The following ZAN variants were observed in gnomAD, a reference collection of about 807,000 sequenced individuals.
ZAN encodes the protein zonadhesin (gene/pseudogene).
In ZAN, 260 loss-of-function variants were observed where a neutral mutation model predicts 286.2. The ratio of observed to expected loss-of-function variants is 0.91; its 90% CI spans 0.82 to 1.01. ZAN has a LOEUF of 1.01. Ranked by LOEUF, ZAN falls within the 50% of genes least tolerant of loss-of-function variation. The pLI is 0.00. For missense variants in ZAN, 3,410 were observed against 3,639.2 expected (o/e 0.94, Z 1.62); for synonymous variants, 1,368 against 1,417.5 (o/e 0.97, Z 0.79).
rs370635833 is a variant in ZAN, at chr7:100,775,773, A to G, written c.6132A>G (p.Gln2044=). The G allele has an allele frequency of 4.3e-6, 7 of 1,613,782 alleles. No individual in the cohort carries two copies. Among genetic ancestry groups the G allele is most frequent in the Non-Finnish European group, 5.1e-6 (6 of 1,179,894 alleles). Residue 2044 remains glutamine (Q), a synonymous_variant, in exon 33 of 48, where the codon CAA becomes CAG. Transcript: ENST00000613979. ...TTGTTAACATCAAGATCGGGGTGCAAGTCAAGTTTGACGGGAATCATCTCT... is the reference window on the plus strand; with the variant it reads ...TTGTTAACATCAAGATCGGGGTGCAGGTCAAGTTTGACGGGAATCATCTCT... ...YSIVNIKIGV[Q]VKFDGNHLLE...
chr7:100,751,321 G>C, intron 13 of ZAN, 55 bp downstream of exon 13: 1 of 1,324,028 alleles, frequency 7.6e-7, no homozygotes, highest in Non-Finnish European at 1.0e-6. Flanking sequence ...GTTCCCTGGA[G>C]TTCTCTCTAT....
At chr7:100,789,568 G>A (rs554875208) in intron 39 of ZAN, among the ~76,000 whole-genome samples, 1 of 152,154 alleles carries the variant, frequency 6.6e-6, no homozygotes, top group Non-Finnish European at 1.5e-5. Flanking sequence ...CCAGCGCTCC[G>A]GGAAGCTGAG....
chr7:100,774,143 C>T (rs566475346), intron 31 of ZAN, among the ~76,000 whole-genome samples: 2 of 152,218 alleles, frequency 1.3e-5, no homozygotes, highest in African/African-American at 4.8e-5. Flanking sequence ...AATCTCAGCA[C>T]TTTGGAAGGC....
At chr7:100,779,078 CTGTAAT>C (rs1445040480) in intron 34 of ZAN, among the ~76,000 whole-genome samples, 2 of 151,750 alleles carry the variant, frequency 1.3e-5, no homozygotes, top group African/African-American at 4.8e-5. Context: ...TGCCGGGTGG[CTGTAAT>C]CCCGGCTACT....
intron 37 of ZAN, among the ~76,000 whole-genome samples, 165 bp from the exon 38 acceptor site, chr7:100,787,715 CCACACCTGG>C (rs1383732962): frequency 1.3e-5 from 2 of 152,186 alleles, no homozygotes; most frequent in African/African-American, 4.8e-5. Context: ...GCACGCACCA[CCACACCTGG>C]CTAATTTTTG....
At chr7:100,773,231 G>A in intron 29 of ZAN, 54 bp from the exon 30 acceptor site, 2 of 1,592,434 alleles carry the variant, frequency 1.3e-6, no homozygotes, top group South Asian at 1.1e-5. Context: ...ATGCCCCAAG[G>A]TTTGGGGGCT....
rs1295680851 is a variant in ZAN at position 100,763,907 on chromosome 7, G to A, written c.4088G>A (p.Gly1363Asp). 6.2e-7 allele frequency: 1 copy of A among 1,613,956 alleles called. No individual in the cohort carries two copies. The change falls in exon 21 of 48, where the codon GGC becomes GAC. Residue 1363 changes from glycine to aspartate, a missense_variant. Coordinates refer to ENST00000613979, the MANE Select transcript of ZAN (RefSeq NM_003386.3). The surrounding 1 kb of genome is among the most constrained non-coding windows in gnomAD (Gnocchi z 4.6). ...TGTGGACGGCTGGTCGACACTCATG[G>A]CCCATTTGAGTATGAAGGAGGGCAG... ...GFCGRLVDTHGPFETCLLHVK... is the reference protein window; with the variant it reads ...GFCGRLVDTHDPFETCLLHVK...
At chr7:100,759,657 C>T (rs1809399686) in intron 17 of ZAN, 64 bp from the exon 18 acceptor site, 2 of 1,511,056 alleles carry the variant, frequency 1.3e-6, no homozygotes, top group Non-Finnish European at 1.8e-6. Context: ...AGGCTCAGGG[C>T]ACTGCTCGCG....
chr7:100,796,419 TGC>T (rs1241309947), intron 45 of ZAN, among the ~76,000 whole-genome samples: 3 of 144,940 alleles, frequency 2.1e-5, no homozygotes, highest in African/African-American at 7.8e-5. Flanking sequence ...CCCAGGAATC[TGC>T]TTTTTTTTTT....
intron 25 of ZAN, 115 bp downstream of exon 25, chr7:100,767,372 C>A (rs922595184): frequency 3.5e-6 from 5 of 1,443,450 alleles, no homozygotes; most frequent in Non-Finnish European, 3.7e-6. Flanking sequence ...ACCTGGGAAG[C>A]ACCTGCAGCT....
intron 5 of ZAN, 23 bp from the exon 6 acceptor site, chr7:100,737,239 G>A (rs1807377976): frequency 1.4e-6 from 2 of 1,453,744 alleles, no homozygotes; most frequent in Non-Finnish European, 1.9e-6. Flanking sequence ...TCATGGGGTT[G>A]GGGTCCCCTT....
chr7:100,779,359 C>T, intron 34 of ZAN, 87 bp from the exon 35 acceptor site: 1 of 1,369,992 alleles, frequency 7.3e-7, no homozygotes, highest in Non-Finnish European at 9.7e-7. Context: ...GCCTGGGTGA[C>T]AGAGCAAGAC....
At chr7:100,746,511 C>G (rs1199928452) in intron 7 of ZAN, 27 bp from the exon 8 acceptor site, 1 of 1,612,962 alleles carries the variant, frequency 6.2e-7, no homozygotes, top group African/African-American at 1.3e-5. Flanking sequence ...TCCATCCACC[C>G]CAGTTCCCTG....
In ZAN at chr7:100,759,936, G is replaced by A; in HGVS notation, c.3696+91G>A. 3 of 1,491,062 alleles carry A rather than the reference G, an allele frequency of 2.0e-6. No individual in the cohort carries two copies. In the South Asian group the frequency reaches 4.1e-5, roughly 20 times the overall value. The allele number at this position is 1,491,062 out of a possible 1,614,324, so 92.4% of individuals were successfully genotyped here. On this transcript the variant is annotated intron_variant, in intron 18 of 47. Transcript: ENST00000613979. The stretch of plus-strand genomic sequence containing the variant: ...ATCCCTGAACCTTTCCACGGATGGG[G>A]TTCAACAAGACAGTGACCTGCAATC...
At chr7:100,774,018 CAACTG>C (rs1352767408) in intron 31 of ZAN, among the ~76,000 whole-genome samples, 153 bp downstream of exon 31, 1 of 152,166 alleles carries the variant, frequency 6.6e-6, no homozygotes, top group Non-Finnish European at 1.5e-5. Context: ...AGATGACCTC[CAACTG>C]CTGAGAAGGG....
chr7:100,791,911 C>T lies in ZAN; in HGVS notation c.7530-55C>T, dbSNP rs563464817. On this transcript the variant is annotated intron_variant, in intron 40 of 47. Transcript: ENST00000613979. Reference sequence around the variant, plus strand: ...CCCGGCTAATCAGTTCTTCTTCTTCCCCCACTTCACCTTCCTTGGGGCCTC... The same window carrying T: ...CCCGGCTAATCAGTTCTTCTTCTTCTCCCACTTCACCTTCCTTGGGGCCTC... 1.4e-5 allele frequency: 22 copies of T among 1,540,148 alleles called. No homozygotes were observed. The South Asian group carries it at 2.5e-4, about 18-fold the overall frequency.
intron 28 of ZAN, 81 bp from the exon 29 acceptor site, chr7:100,771,763 C>G: frequency 7.0e-7 from 1 of 1,437,914 alleles, no homozygotes; most frequent in Non-Finnish European, 9.4e-7. Flanking sequence ...AAGTGGATGT[C>G]GAATCAGCCC....
chr7:100,774,807 G>A (rs1810635258), intron 31 of ZAN, among the ~76,000 whole-genome samples: 1 of 150,468 alleles, frequency 6.6e-6, no homozygotes, highest in South Asian at 2.1e-4. Flanking sequence ...CAGCCTGGGT[G>A]ACAGAGAGAG....
chr7:100,737,117 A>G lies in ZAN; in HGVS notation c.525+37A>G, dbSNP rs1191767488. The G allele has an allele frequency of 6.1e-6, 9 of 1,469,030 alleles. No individual in the cohort carries two copies. The Admixed American group carries it at 1.8e-4, about 29-fold the overall frequency. The allele number at this position is 1,469,030 out of a possible 1,614,324, so 91.0% of individuals were successfully genotyped here. A position where few individuals can be genotyped will look rare whatever the true frequency, so the allele number is the denominator to read the frequency against. On this transcript the variant is annotated intron_variant, in intron 5 of 47. Coordinates refer to ENST00000613979, the MANE Select transcript of ZAN (RefSeq NM_003386.3). ...GACAAATTGTGGGACCTCGGGGGGG[A>G]GTCTGGGTGTTGGAGAGCCTGAGGG...
Sources: gnomAD v4.1 joint callset for allele counts (sites outside exome capture counted in the v4.1 genomes callset) on GRCh38, gnomAD v4.1.1 for gene constraint, Gnocchi (gnomAD v3.1) non-coding constraint, MANE v1.5 for transcripts, NCBI Gene and HGNC (gene_info 2026-07-23, HGNC 2026-07-21) for gene names.